The following BANF2 variants were observed in gnomAD, a reference collection of about 807,000 sequenced individuals.
BANF2 encodes BANF family member 2.
Under a neutral mutation model 8.0 loss-of-function variants are expected in BANF2, and 4 were observed. The ratio of observed to expected loss-of-function variants is 0.50; its 90% CI spans 0.25 to 1.14. The LOEUF (loss-of-function observed/expected upper bound fraction) is 1.14. Among genes scored for constraint, BANF2 ranks in the 50% most tolerant of loss-of-function variants. BANF2 has a pLI of 0.16. For synonymous variants in BANF2, 50 were observed against 40.6 expected (o/e 1.23, Z -0.88); for missense variants, 96 against 107.5 (o/e 0.89, Z 0.47).
chr20:17,697,711 A>T (rs1325080650), upstream of BANF2, among the ~76,000 whole-genome samples: 2 of 152,144 alleles, frequency 1.3e-5, no homozygotes, highest in East Asian at 3.9e-4. Flanking sequence ...AATGTGGGGT[A>T]TGTTAGCAAG....
At chr20:17,717,965 A>G (rs941381673) in intron 1 of BANF2, among the ~76,000 whole-genome samples, 2 of 152,218 alleles carry the variant, frequency 1.3e-5, no homozygotes, top group Admixed American at 1.3e-4. Context: ...GGCCACTTGA[A>G]TATATAAACT....
intron 1 of BANF2, chr20:17,712,473 CCCGACAA>C: frequency 5.3e-6 from 5 of 951,984 alleles, no homozygotes; most frequent in Non-Finnish European, 6.3e-6. Context: ...ATTCCCACAG[CCCGACAA>C]CCTTCCTGAC....
chr20:17,731,581 A>G (rs994578172), intron 3 of BANF2: 1 of 151,868 alleles, frequency 6.6e-6, no homozygotes, highest in Non-Finnish European at 1.5e-5. Context: ...TGTAAAATGA[A>G]AATGCAAGAC....
upstream of BANF2, among the ~76,000 whole-genome samples, chr20:17,695,726 A>T (rs1395906089): frequency 1.3e-5 from 2 of 152,168 alleles, no homozygotes; most frequent in African/African-American, 4.8e-5. Flanking sequence ...TAAGTGTACA[A>T]GTTGATGAAT....
At chr20:17,725,230 C>A in intron 3 of BANF2, 79 bp downstream of exon 3, 1 of 1,501,146 alleles carries the variant, frequency 6.7e-7, no homozygotes. Flanking sequence ...CAGTTCCTGC[C>A]ACGTGTCCCT....
At chr20:17,726,289 G>T (rs564317824) in intron 3 of BANF2, among the ~76,000 whole-genome samples, 1 of 152,116 alleles carries the variant, frequency 6.6e-6, no homozygotes, top group Non-Finnish European at 1.5e-5. Context: ...AGGCTCAAGC[G>T]ATCCTCTCAC....
At chr20:17,722,473 A>G (rs1421474732) in intron 1 of BANF2, among the ~76,000 whole-genome samples, 1 of 152,162 alleles carries the variant, frequency 6.6e-6, no homozygotes, top group Non-Finnish European at 1.5e-5. Flanking sequence ...CAATTCATCA[A>G]TCCCAATTCT....
chr20:17,705,365 A>G (rs752591347), intron 1 of BANF2, among the ~76,000 whole-genome samples: 1 of 152,194 alleles, frequency 6.6e-6, no homozygotes, highest in Non-Finnish European at 1.5e-5. Context: ...GAGCCTCATA[A>G]ATTCCAGAGG....
chr20:17,732,856 T>G (rs547414847), intron 3 of BANF2, among the ~76,000 whole-genome samples: 1 of 152,232 alleles, frequency 6.6e-6, no homozygotes, highest in East Asian at 1.9e-4. Context: ...TCTCCTTGAT[T>G]AGGGGGCTTT....
chr20:17,712,977 G>A (rs1267036367), intron 1 of BANF2, among the ~76,000 whole-genome samples: 2 of 152,142 alleles, frequency 1.3e-5, no homozygotes, highest in Non-Finnish European at 2.9e-5. Flanking sequence ...GCCGGGCATG[G>A]TGGCTCATGC....
At chr20:17,693,720 G>A in intron 1 of BANF2, 7 of 1,551,510 alleles carry the variant, frequency 4.5e-6, no homozygotes, top group Non-Finnish European at 6.1e-6. Flanking sequence ...AGGCAGATTG[G>A]TCTGACTTCC....
intron 3 of BANF2, among the ~76,000 whole-genome samples, chr20:17,728,131 G>T (rs571208514): frequency 1.3e-5 from 2 of 152,226 alleles, no homozygotes; most frequent in South Asian, 2.1e-4. Context: ...TTCTGCCAAG[G>T]TGCAGCCATC....
intron 2 of BANF2, 27 bp from the exon 3 acceptor site, chr20:17,724,996 C>T (rs1254680933): frequency 6.3e-7 from 1 of 1,596,512 alleles, no homozygotes; most frequent in East Asian, 2.2e-5. Flanking sequence ...ATCTGCTAAT[C>T]CTCCTCTCTC....
intron 3 of BANF2, among the ~76,000 whole-genome samples, chr20:17,729,802 T>G (rs1294533480): frequency 6.6e-6 from 1 of 152,236 alleles, no homozygotes. Context: ...ACAATGTTAG[T>G]GGCACAGCTT....
upstream of BANF2, among the ~76,000 whole-genome samples, chr20:17,695,128 A>G (rs2037335541): frequency 6.6e-6 from 1 of 152,008 alleles, no homozygotes; most frequent in Admixed American, 6.6e-5. Flanking sequence ...GCAGCTTGAA[A>G]TTTTTAAAAA....
At chr20:17,717,956 G>A (rs891288828) in intron 1 of BANF2, among the ~76,000 whole-genome samples, 1 of 152,056 alleles carries the variant, frequency 6.6e-6, no homozygotes, top group African/African-American at 2.4e-5. Flanking sequence ...ATGCTTTTTG[G>A]CCACTTGAAT....
chr20:17,727,331 C>T (rs1401926991), intron 3 of BANF2, among the ~76,000 whole-genome samples: 1 of 152,138 alleles, frequency 6.6e-6, no homozygotes, highest in Non-Finnish European at 1.5e-5. Flanking sequence ...GCCGCCCACA[C>T]CCGTGATTGA....
At chr20:17,706,032 AG>A (rs2037476936) in intron 1 of BANF2, among the ~76,000 whole-genome samples, 1 of 152,188 alleles carries the variant, frequency 6.6e-6, no homozygotes, top group African/African-American at 2.4e-5. Flanking sequence ...AACTATTGAG[AG>A]GTGCAGAAAA....
chr20:17,709,077 T>C (rs2037529238), intron 1 of BANF2, among the ~76,000 whole-genome samples: 1 of 152,210 alleles, frequency 6.6e-6, no homozygotes, highest in Non-Finnish European at 1.5e-5. Context: ...AGAATGTGGC[T>C]TTGAATGGAG....
Sources: gnomAD v4.1 joint callset for allele counts (sites outside exome capture counted in the v4.1 genomes callset) on GRCh38, gnomAD v4.1.1 for gene constraint, MANE v1.5 for transcripts, NCBI Gene and HGNC (gene_info 2026-07-23, HGNC 2026-07-21) for gene names.